Variants in KIF16B observed in about 807,000 individuals in gnomAD.
KIF16B encodes the protein kinesin-like protein KIF16B.
KIF16B carries 98 observed loss-of-function variants against 156.3 expected under a neutral mutation model. The observed-to-expected ratio is 0.63, with a 90% CI of 0.53 to 0.74. KIF16B has a LOEUF of 0.74. KIF16B is among the 30% of genes least tolerant of loss of function. The probability of loss-of-function intolerance (pLI) is 0.00; values close to 1 mark genes in which losing one functional copy is unlikely to be tolerated. For synonymous variants in KIF16B, 564 were observed against 583.7 expected, an observed-to-expected ratio of 0.97 and a Z score of 0.49; for missense variants, 1,421 against 1,606.5, an observed-to-expected ratio of 0.88 and a Z score of 1.97.
chr20:16,353,177 C>T (rs1299362398), intron 23 of KIF16B, among the ~76,000 whole-genome samples: 2 of 152,112 alleles, frequency 1.3e-5, no homozygotes, highest in African/African-American at 2.4e-5. Flanking sequence ...CCTTAGCCTC[C>T]TTAAATAGCC....
chr20:16,449,913 A>G (rs2067032950), intron 12 of KIF16B, among the ~76,000 whole-genome samples: 1 of 152,224 alleles, frequency 6.6e-6, no homozygotes, highest in Non-Finnish European at 1.5e-5. Context: ...TATAGTTTTT[A>G]ATGAGGATAA....
intron 12 of KIF16B, among the ~76,000 whole-genome samples, chr20:16,483,771 C>G (rs796219421): frequency 5.9e-5 from 9 of 152,222 alleles, no homozygotes; most frequent in African/African-American, 2.2e-4. Context: ...CTAGTCTAGG[C>G]AAGGAGAAAA....
chr20:16,478,102 G>C (rs1290878084), intron 12 of KIF16B, among the ~76,000 whole-genome samples: 1 of 152,192 alleles, frequency 6.6e-6, no homozygotes, highest in African/African-American at 2.4e-5. Flanking sequence ...GAACAGGAGA[G>C]AGCTGGAGGA....
intron 22 of KIF16B, chr20:16,367,767 AT>A: frequency 3.7e-6 from 6 of 1,612,702 alleles, no homozygotes; most frequent in Non-Finnish European, 5.1e-6. Flanking sequence ...GCAAGGGATG[AT>A]TAGCGCAGGC....
At chr20:16,514,032 T>TA (rs1388377430) in intron 4 of KIF16B, among the ~76,000 whole-genome samples, 2 of 152,224 alleles carry the variant, frequency 1.3e-5, no homozygotes, top group Non-Finnish European at 2.9e-5. Flanking sequence ...AAATGAGTCT[T>TA]ACGTCGTATT....
At chr20:16,386,453 G>A (rs1357306167) in intron 17 of KIF16B, among the ~76,000 whole-genome samples, 1 of 152,014 alleles carries the variant, frequency 6.6e-6, no homozygotes, top group Non-Finnish European at 1.5e-5. Context: ...TGGGGCTGGG[G>A]CTGGACTGCA....
At chr20:16,507,683 T>A (rs1741511350) in intron 7 of KIF16B, among the ~76,000 whole-genome samples, 1 of 152,196 alleles carries the variant, frequency 6.6e-6, no homozygotes, top group South Asian at 2.1e-4. Flanking sequence ...TTTGCTTAAT[T>A]AAGCACAGAG....
At chr20:16,434,530 A>G (rs1312838894) in intron 12 of KIF16B, among the ~76,000 whole-genome samples, 2 of 152,172 alleles carry the variant, frequency 1.3e-5, no homozygotes, top group Non-Finnish European at 2.9e-5. Flanking sequence ...TAGAAAGTCT[A>G]CCTGGGATCT....
chr20:16,522,557 A>C (rs949334299), intron 3 of KIF16B, among the ~76,000 whole-genome samples: 2 of 152,216 alleles, frequency 1.3e-5, no homozygotes, highest in Non-Finnish European at 1.5e-5. Context: ...TTAGACTCCC[A>C]CACAATAATA....
At chr20:16,517,429 G>A (rs957211725) in intron 3 of KIF16B, among the ~76,000 whole-genome samples, 2 of 152,100 alleles carry the variant, frequency 1.3e-5, no homozygotes, top group African/African-American at 2.4e-5. Context: ...AAGCACTTTC[G>A]TGTGTTCATG....
Position 16,272,437 on chromosome 20 carries a change from C to T in KIF16B, c.*816G>A, listed in dbSNP as rs1223878085. Reference sequence around the variant, plus strand: ...GCCAAAGATCCAATAGATTCTGTAACAAAAAATGTGAATAATACTTAAAAA... The same window carrying T: ...GCCAAAGATCCAATAGATTCTGTAATAAAAAATGTGAATAATACTTAAAAA... On this transcript the variant is annotated 3_prime_UTR_variant, in exon 26 of 26. Transcript: ENST00000354981. 1 of 152,530 alleles carries T rather than the reference C, an allele frequency of 6.6e-6. No individual in the cohort carries two copies. Among genetic ancestry groups the T allele is most frequent in the Non-Finnish European group, 1.5e-5 (1 of 68,002 alleles). 9.4% of individuals were successfully genotyped at this position (152,530 alleles called of 1,614,324 possible). A position where few individuals can be genotyped will look rare whatever the true frequency, so the allele number is the denominator to read the frequency against.
intron 3 of KIF16B, among the ~76,000 whole-genome samples, chr20:16,525,112 A>T (rs1276236427): frequency 1.3e-5 from 2 of 152,162 alleles, no homozygotes; most frequent in Non-Finnish European, 2.9e-5. Context: ...CCGCCATGGC[A>T]CGTGTATACC....
At chr20:16,573,114 G>T in intron 1 of KIF16B, 115 bp downstream of exon 1, 1 of 1,048,870 alleles carries the variant, frequency 9.5e-7, no homozygotes. Flanking sequence ...GGCCCGGTGG[G>T]CCAGGGACCA....
chr20:16,289,248 G>A (rs750527214), intron 25 of KIF16B, among the ~76,000 whole-genome samples: 23 of 152,198 alleles, frequency 1.5e-4, no homozygotes, highest in African/African-American at 4.1e-4. Context: ...AATGTGTATC[G>A]CTTTTACACC....
chr20:16,338,765 C>T (rs1396566281), intron 23 of KIF16B, among the ~76,000 whole-genome samples: 1 of 152,164 alleles, frequency 6.6e-6, no homozygotes, highest in Non-Finnish European at 1.5e-5. Flanking sequence ...TCACAATTGC[C>T]ACCATCAAGT....
intron 25 of KIF16B, among the ~76,000 whole-genome samples, chr20:16,278,009 C>T (rs925707305): frequency 1.5e-4 from 23 of 152,182 alleles, no homozygotes; most frequent in African/African-American, 5.3e-4. Flanking sequence ...CCTAGGGTTG[C>T]ACAACATTAT....
chr20:16,528,524 C>G (rs2069633513), intron 1 of KIF16B, 84 bp from the exon 2 acceptor site: 1 of 1,025,464 alleles, frequency 9.8e-7, no homozygotes, highest in African/African-American at 1.6e-5. Context: ...GTTTTATTTA[C>G]TTTTTACGTT....
At chr20:16,521,688 C>T (rs1219179909) in intron 3 of KIF16B, among the ~76,000 whole-genome samples, 2 of 151,990 alleles carry the variant, frequency 1.3e-5, no homozygotes, top group Admixed American at 6.6e-5. Flanking sequence ...AAATACTCCT[C>T]GAGTAGAGCA....
At chr20:16,328,073 GA>G in intron 24 of KIF16B, among the ~76,000 whole-genome samples, 1 of 152,262 alleles carries the variant, frequency 6.6e-6, no homozygotes, top group South Asian at 2.1e-4. Flanking sequence ...GTGCTGCTCA[GA>G]AAATAAAGAA....
Sources: allele counts gnomAD v4.1 joint callset (sites outside exome capture counted in the v4.1 genomes callset), GRCh38; gene constraint gnomAD v4.1.1; transcripts MANE v1.5; gene names NCBI Gene and HGNC (gene_info 2026-07-23, HGNC 2026-07-21).